Variants in SFMBT1 observed in about 807,000 individuals in gnomAD.
SFMBT1 encodes Scm like with four mbt domains 1, also known as scm-like with four MBT domains protein 1.
SFMBT1 carries 32 observed loss-of-function variants against 108.7 expected under a neutral mutation model. The observed-to-expected ratio is 0.29, with a 90% CI of 0.22 to 0.40. The LOEUF is 0.40. Among genes scored for constraint, SFMBT1 ranks in the 10% least tolerant of loss-of-function variants. The probability of loss-of-function intolerance (pLI) is 1.00; values close to 1 mark genes in which losing one functional copy is unlikely to be tolerated. For synonymous variants in SFMBT1, 348 were observed against 369.5 expected, an observed-to-expected ratio of 0.94 and a Z score of 0.67; for missense variants, 816 against 1,059.6, an observed-to-expected ratio of 0.77 and a Z score of 3.19.
chr3:52,992,358 T>C (rs1705168237), intron 1 of SFMBT1, among the ~76,000 whole-genome samples: 1 of 152,216 alleles, frequency 6.6e-6, no homozygotes, highest in South Asian at 2.1e-4. Context: ...GACACCTCTA[T>C]TTTACATTAC....
In SFMBT1 at chr3:52,968,000, T is replaced by C. The variant is rs143144143; in HGVS notation, c.28+1101A>G. Among the ~76,000 whole-genome samples, 209 of 152,314 alleles carry C rather than the reference T, an allele frequency of 1.4e-3. 1 individual carries two copies. Among genetic ancestry groups the C allele is most frequent in the South Asian group, 0.011 (53 of 4,820 alleles). ...AAAGTATTATATACACAATTGTTAA[T>C]AGCAACTTATGTGTTGGTAAGAGCC... On this transcript the variant is annotated intron_variant, in intron 2 of 20. Transcript: ENST00000394752.
At position 52,921,289 on chromosome 3, in the gene SFMBT1, T is replaced by G. The variant is rs1702512661; in HGVS notation, c.1258+416A>C. Among the ~76,000 whole-genome samples, 3 of 152,172 alleles carry G rather than the reference T, an allele frequency of 2.0e-5. No individual in the cohort carries two copies. In the South Asian group the frequency reaches 6.2e-4, roughly 31 times the overall value. On this transcript the variant is annotated intron_variant, in intron 11 of 20. Transcript: ENST00000394752. ...GCAGCGCCTTGCATCCACAAACCTG[T>G]CCAATTATTGAATATTACTTTTAGC...
chr3:52,941,883 A>G (rs1703195049), intron 4 of SFMBT1, among the ~76,000 whole-genome samples: 1 of 152,164 alleles, frequency 6.6e-6, no homozygotes, highest in Non-Finnish European at 1.5e-5. Context: ...TGGCTGACAG[A>G]GCGAGATTCT....
chr3:52,988,241 T>C (rs1447757314), intron 1 of SFMBT1, among the ~76,000 whole-genome samples: 1 of 152,266 alleles, frequency 6.6e-6, no homozygotes, highest in Non-Finnish European at 1.5e-5. Flanking sequence ...AAGCTCTATG[T>C]TAGAATTTAA....
rs183909507 is a variant in SFMBT1 at position 53,029,246 on chromosome 3, C to A, written c.-131+16570G>T. Among the ~76,000 whole-genome samples the A allele has an allele frequency of 1.5e-3, 230 of 150,052 alleles. 1 individual carries two copies. The highest frequency in any genetic ancestry group is 2.8e-3 in the Non-Finnish European group (190 of 67,708). On this transcript the variant is annotated intron_variant, in intron 1 of 20. Transcript: ENST00000394752. ...GGGGGAGAAAAAGAATAGACTACCA[C>A]AAATTGTCACACTTTTTAGGAAAAT...
chr3:53,044,661 A>G (rs1575459886), intron 1 of SFMBT1, among the ~76,000 whole-genome samples: 2 of 152,382 alleles, frequency 1.3e-5, no homozygotes, highest in East Asian at 3.8e-4. Context: ...AATGTGGTTC[A>G]AGAGAAGACA....
chr3:52,972,809 C>T (rs1361530261), intron 1 of SFMBT1, among the ~76,000 whole-genome samples: 3 of 139,844 alleles, frequency 2.1e-5, no homozygotes, highest in Admixed American at 1.4e-4. Context: ...AGTGTGGTGG[C>T]GGGCCAATGT....
At chr3:52,988,773 G>C (rs958563340) in intron 1 of SFMBT1, among the ~76,000 whole-genome samples, 8 of 152,106 alleles carry the variant, frequency 5.3e-5, no homozygotes, top group African/African-American at 1.9e-4. Flanking sequence ...AACCAGCCTA[G>C]GTTATGATAA....
intron 10 of SFMBT1, among the ~76,000 whole-genome samples, chr3:52,922,557 T>C (rs1487114726): frequency 6.6e-6 from 1 of 152,162 alleles, no homozygotes; most frequent in Non-Finnish European, 1.5e-5. Context: ...GTCTGGAAAC[T>C]AAGTTAAAGG....
intron 4 of SFMBT1, among the ~76,000 whole-genome samples, chr3:52,939,305 G>A (rs759494744): frequency 2.0e-5 from 3 of 152,102 alleles, no homozygotes; most frequent in South Asian, 4.1e-4. Flanking sequence ...CATGGTAGCC[G>A]GACTACACCT....
chr3:52,972,843 C>T (rs1197110423), intron 1 of SFMBT1, among the ~76,000 whole-genome samples: 2 of 124,850 alleles, frequency 1.6e-5, no homozygotes, highest in Non-Finnish European at 3.6e-5. Context: ...CTCTACTAAA[C>T]ACACACACAC....
At chr3:53,030,683 C>CAAAAAAAAAA (rs10668462) in intron 1 of SFMBT1, among the ~76,000 whole-genome samples, 27 of 82,676 alleles carry the variant, frequency 3.3e-4, no homozygotes, top group Admixed American at 8.2e-4. Context: ...GGCCATAATG[C>CAAAAAAAAAA]AAAAAAAAAA....
chr3:52,999,131 G>A (rs945453585), intron 1 of SFMBT1, among the ~76,000 whole-genome samples: 8 of 151,026 alleles, frequency 5.3e-5, no homozygotes, highest in Admixed American at 3.3e-4. Context: ...TACAAAGGCC[G>A]TCATGGAGAT....
intron 1 of SFMBT1, among the ~76,000 whole-genome samples, chr3:53,024,490 G>C (rs1301512526): frequency 6.7e-6 from 1 of 150,218 alleles, no homozygotes; most frequent in Admixed American, 6.6e-5. Flanking sequence ...TGTTGGCTAT[G>C]ATAAAGGCTT....
At chr3:52,947,463 T>C (rs536437488) in intron 3 of SFMBT1, among the ~76,000 whole-genome samples, 4 of 152,284 alleles carry the variant, frequency 2.6e-5, no homozygotes, top group Admixed American at 1.3e-4. Flanking sequence ...ATGTATCTTA[T>C]TGTAATTTTA....
At chr3:52,920,452 A>T in intron 12 of SFMBT1, 85 bp downstream of exon 12, 1 of 928,742 alleles carries the variant, frequency 1.1e-6, no homozygotes, top group Non-Finnish European at 1.7e-6. Flanking sequence ...TTTTTCTCTG[A>T]AATGTCCAGA....
chr3:52,966,890 A>G (rs982126520), intron 2 of SFMBT1, among the ~76,000 whole-genome samples: 29 of 148,842 alleles, frequency 1.9e-4, no homozygotes, highest in African/African-American at 6.4e-4. Context: ...GAGGGTAAAG[A>G]GAAGTAAAAG....
At chr3:53,033,020 TTTA>T (rs1699739339) in intron 1 of SFMBT1, among the ~76,000 whole-genome samples, 1 of 152,134 alleles carries the variant, frequency 6.6e-6, no homozygotes, top group Non-Finnish European at 1.5e-5. Flanking sequence ...TTTTGAAGTA[TTTA>T]TGGGCCAGGT....
chr3:52,943,520 G>T lies in SFMBT1; in HGVS notation c.197C>A (p.Thr66Asn). 6.2e-7 allele frequency: 1 copy of T among 1,614,146 alleles called. No homozygotes were observed. The highest frequency in any genetic ancestry group is 8.5e-7 in the Non-Finnish European group (1 of 1,180,010). The change falls in exon 4 of 21, where the codon ACC (threonine) becomes AAC (asparagine). Residue 66 changes from threonine (T) to asparagine (N), a missense_variant. Thr to Asn is a moderately conservative substitution (Grantham distance 65, BLOSUM62 0). Transcript: ENST00000394752. ...AGTGATAACGGTGGCAACCCAGTAG[G>T]TCTCAGGATCTGTTCTCACAGCCAC... Reference protein sequence around the residue: ...LEVAVRTDPETYWVATVITTC... With the variant: ...LEVAVRTDPENYWVATVITTC...
Sources: allele counts gnomAD v4.1 joint callset (sites outside exome capture counted in the v4.1 genomes callset), GRCh38; gene constraint gnomAD v4.1.1; transcripts MANE v1.5; gene names NCBI Gene and HGNC (gene_info 2026-07-23, HGNC 2026-07-21).